FRMD4A: variants seen among roughly 807,000 people sequenced by gnomAD.
FRMD4A encodes FERM domain-containing protein 4A.
FRMD4A carries 29 observed loss-of-function variants against 129.1 expected under a neutral mutation model. The ratio of observed to expected loss-of-function variants is 0.22; its 90% CI spans 0.17 to 0.31. The LOEUF (loss-of-function observed/expected upper bound fraction) is 0.31. FRMD4A is among the 10% of genes least tolerant of loss of function. FRMD4A has a pLI of 1.00. For missense variants in FRMD4A, 1,272 were observed against 1,375.8 expected (o/e 0.92, Z 1.19); for synonymous variants, 634 against 571.6 (o/e 1.11, Z -1.56).
At chr10:13,743,530 A>C (rs1279678996) in intron 9 of FRMD4A, among the ~76,000 whole-genome samples, 2 of 152,160 alleles carry the variant, frequency 1.3e-5, no homozygotes, top group East Asian at 3.8e-4. Flanking sequence ...CCATGAACAC[A>C]CAGAAGGCTC....
chr10:14,033,740 G>A (rs553573708), intron 2 of FRMD4A, among the ~76,000 whole-genome samples: 14 of 151,918 alleles, frequency 9.2e-5, no homozygotes, highest in East Asian at 1.9e-4. Flanking sequence ...AGCCGAGATC[G>A]TGTCATTGCC....
At chr10:14,183,844 T>A (rs908711550) in intron 2 of FRMD4A, among the ~76,000 whole-genome samples, 1 of 152,226 alleles carries the variant, frequency 6.6e-6, no homozygotes, top group African/African-American at 2.4e-5. Context: ...TCAATTTTAG[T>A]AAGACATGAT....
At chr10:14,278,605 C>T (rs981424788) in intron 2 of FRMD4A, among the ~76,000 whole-genome samples, 23 of 152,124 alleles carry the variant, frequency 1.5e-4, no homozygotes, top group African/African-American at 5.6e-4. Context: ...TTAACAGCAA[C>T]AAAAGCCCAA....
intron 2 of FRMD4A, among the ~76,000 whole-genome samples, chr10:14,022,378 T>C (rs1832797366): frequency 6.6e-6 from 1 of 151,874 alleles, no homozygotes; most frequent in Admixed American, 6.6e-5. Context: ...CAGTTTGGAG[T>C]GGGGAACTCA....
chr10:14,275,642 G>C (rs1845313018), intron 2 of FRMD4A, among the ~76,000 whole-genome samples: 1 of 152,156 alleles, frequency 6.6e-6, no homozygotes, highest in Non-Finnish European at 1.5e-5. Flanking sequence ...TGTATAACTA[G>C]ACTTCCATGA....
intron 11 of FRMD4A, 98 bp from the exon 12 acceptor site, chr10:13,738,028 G>T (rs2090747239): frequency 2.8e-6 from 2 of 723,330 alleles, no homozygotes; most frequent in Non-Finnish European, 5.0e-6. Context: ...GAGGGAAAGG[G>T]CCATTTCCTT....
intron 2 of FRMD4A, among the ~76,000 whole-genome samples, chr10:14,242,996 T>C (rs1346268560): frequency 6.6e-6 from 1 of 152,234 alleles, no homozygotes; most frequent in Non-Finnish European, 1.5e-5. Context: ...TTTGTACCCA[T>C]TATAGATGAA....
intron 12 of FRMD4A, chr10:13,727,737 A>T (rs1006708256): frequency 2.0e-5 from 3 of 151,926 alleles, no homozygotes; most frequent in Non-Finnish European, 4.4e-5. Flanking sequence ...CTGACCAGCC[A>T]TCACCCCTCC....
At chr10:14,305,767 A>G (rs905378476) in intron 2 of FRMD4A, among the ~76,000 whole-genome samples, 1 of 152,236 alleles carries the variant, frequency 6.6e-6, no homozygotes, top group Non-Finnish European at 1.5e-5. Context: ...AAAATGTGAT[A>G]CATACACACC....
chr10:14,153,728 C>G (rs764461705), intron 2 of FRMD4A, among the ~76,000 whole-genome samples: 11 of 152,194 alleles, frequency 7.2e-5, no homozygotes, highest in Non-Finnish European at 1.5e-4. Context: ...AAGTGCATTC[C>G]CTAGGTTCTC....
chr10:14,160,881 G>C (rs1034948262), intron 2 of FRMD4A, among the ~76,000 whole-genome samples: 2 of 152,230 alleles, frequency 1.3e-5, no homozygotes, highest in African/African-American at 2.4e-5. Flanking sequence ...TGGCAAGGAT[G>C]TGGAGAAAAG....
intron 4 of FRMD4A, 77 bp downstream of exon 4, chr10:13,810,737 T>C (rs1383139124): frequency 1.4e-6 from 1 of 707,432 alleles, no homozygotes; most frequent in Non-Finnish European, 2.4e-6. Flanking sequence ...ATTTCGCTGC[T>C]AACAGCTGGA....
intron 2 of FRMD4A, among the ~76,000 whole-genome samples, chr10:13,922,381 C>T (rs2095083270): frequency 6.6e-6 from 1 of 151,830 alleles, no homozygotes; most frequent in African/African-American, 2.4e-5. Flanking sequence ...TGTATTATGG[C>T]AAGTATTAAA....
At chr10:13,978,213 A>G (rs2095548693) in intron 2 of FRMD4A, among the ~76,000 whole-genome samples, 1 of 152,132 alleles carries the variant, frequency 6.6e-6, no homozygotes, top group Non-Finnish European at 1.5e-5. Context: ...TTCTAGCTGG[A>G]TTCTATGACG....
intron 3 of FRMD4A, among the ~76,000 whole-genome samples, chr10:13,839,792 C>A (rs2093934150): frequency 6.6e-6 from 1 of 152,204 alleles, no homozygotes; most frequent in Non-Finnish European, 1.5e-5. Context: ...ACTCCTAACA[C>A]CAGAGTGATG....
chr10:13,666,135 C>T lies in FRMD4A; in HGVS notation c.1565G>A (p.Gly522Glu). The T allele has an allele frequency of 6.2e-7, 1 of 1,613,560 alleles. No individual in the cohort carries two copies. Among genetic ancestry groups the T allele is most frequent in the Non-Finnish European group, 8.5e-7 (1 of 1,179,466 alleles). ...NAINENRIKS[G>E]KKPTQRASLI... is the part of the protein sequence containing the mutation. ...CGAAGCCCTCTGGGTGGGTTTCTTC[C>T]CAGACTTGATGCGGTTCTCATTGAT... The change falls in exon 18 of 25, where the codon GGG becomes GAG. Residue 522 changes from glycine (G) to glutamate (E), a missense_variant. Around this residue, in one of 2 missense-constraint regions of FRMD4A, gnomAD observed 972 missense variants for 892.3 expected, o/e 1.09. Coordinates refer to ENST00000357447, the MANE Select transcript of FRMD4A (RefSeq NM_018027.5).
intron 6 of FRMD4A, 27 bp from the exon 7 acceptor site, chr10:13,762,707 A>C: frequency 6.5e-7 from 1 of 1,531,172 alleles, no homozygotes; most frequent in South Asian, 1.1e-5. Flanking sequence ...ACAAACGAAG[A>C]CAAGTTTGGT....
At position 13,908,170 on chromosome 10, in the gene FRMD4A, A is replaced by AC. The variant is rs1199365972; in HGVS notation, c.46-49259_46-49258insG. Among the ~76,000 whole-genome samples, 273 of 147,202 alleles carry AC rather than the reference A, an allele frequency of 1.9e-3. 3 individuals carry two copies. Among genetic ancestry groups the AC allele is most frequent in the African/African-American group, 6.7e-3 (256 of 38,330 alleles). On this transcript the variant is annotated intron_variant, in intron 2 of 24. Coordinates refer to ENST00000357447, the MANE Select transcript of FRMD4A (RefSeq NM_018027.5). ...AGAAGACGGAAACTCCATCTAAAAAAAAAAAAAAAAAAAAAAAAAAGGACA... is the reference window on the plus strand; with the variant it reads ...AGAAGACGGAAACTCCATCTAAAAAACAAAAAAAAAAAAAAAAAAAAGGACA...
intron 2 of FRMD4A, among the ~76,000 whole-genome samples, chr10:14,296,402 A>G (rs1218467): frequency 0.31 from 47,414 of 151,998 alleles, 13,463 homozygotes; most frequent in African/African-American, 0.76. Context: ...TCCTGAGAAC[A>G]GCCCTCCTGC....
Sources: gnomAD v4.1 joint callset for allele counts (sites outside exome capture counted in the v4.1 genomes callset) on GRCh38, gnomAD v4.1.1 for gene constraint, gnomAD v4.1.1 regional missense constraint, MANE v1.5 for transcripts, NCBI Gene and HGNC (gene_info 2026-07-23, HGNC 2026-07-21) for gene names.